Variants in PPM1H observed in about 807,000 individuals in gnomAD.
The protein encoded by PPM1H is protein phosphatase, Mg2+/Mn2+ dependent 1H.
In PPM1H, 27 loss-of-function variants were observed where a neutral mutation model predicts 54.9. That is an observed-to-expected ratio of 0.49 (90% CI 0.36 to 0.68). The LOEUF is 0.68. Ranked by LOEUF, PPM1H falls within the 30% of genes least tolerant of loss-of-function variation. PPM1H has a pLI of 0.00. For missense variants in PPM1H, 596 were observed against 667.8 expected, an observed-to-expected ratio of 0.89 and a Z score of 1.19; for synonymous variants, 305 against 270.8, an observed-to-expected ratio of 1.13 and a Z score of -1.24.
chr12:62,750,790 T>G (rs1233260215), intron 4 of PPM1H, among the ~76,000 whole-genome samples: 1 of 152,190 alleles, frequency 6.6e-6, no homozygotes, highest in Admixed American at 6.5e-5. Flanking sequence ...GATCTGAAAA[T>G]CTCAGTGATT....
At chr12:62,683,066 ATTAT>A (rs1323829886) in intron 8 of PPM1H, among the ~76,000 whole-genome samples, 3 of 142,112 alleles carry the variant, frequency 2.1e-5, no homozygotes, top group Non-Finnish European at 4.5e-5. Flanking sequence ...TATTATTATT[ATTAT>A]TATTATTATT....
chr12:62,756,049 G>T, intron 4 of PPM1H: 1 of 1,303,934 alleles, frequency 7.7e-7, no homozygotes. Context: ...GGCATCCTGG[G>T]CTACACTGAG....
At chr12:62,690,251 C>G (rs913510659) in intron 7 of PPM1H, among the ~76,000 whole-genome samples, 2 of 152,186 alleles carry the variant, frequency 1.3e-5, no homozygotes, top group Non-Finnish European at 2.9e-5. Flanking sequence ...ATCCACTGTA[C>G]AAGTATTTGC....
intron 4 of PPM1H, among the ~76,000 whole-genome samples, chr12:62,776,363 A>G (rs756587298): frequency 3.3e-5 from 5 of 152,122 alleles, no homozygotes; most frequent in East Asian, 3.9e-4. Context: ...CCCTTGCCCT[A>G]TGTTTCTCTT....
Position 62,691,172 on chromosome 12 carries a change from G to A in PPM1H, c.1138-1366C>T, listed in dbSNP as rs2076080893. ...GGCACTTAGCACAGAAAGGTGGATT[G>A]CATCAAGACAGGCGACACAGAGGGA... On this transcript the variant is annotated intron_variant, in intron 7 of 9. Transcript: ENST00000228705. Among the ~76,000 whole-genome samples, 3 of 152,174 alleles carry A rather than the reference G, an allele frequency of 2.0e-5. No individual in the cohort carries two copies. In the South Asian group the frequency reaches 6.2e-4, roughly 32 times the overall value.
At chr12:62,712,707 A>G (rs986955448) in intron 6 of PPM1H, among the ~76,000 whole-genome samples, 1 of 152,242 alleles carries the variant, frequency 6.6e-6, no homozygotes, top group African/African-American at 2.4e-5. Flanking sequence ...AGGTAGGCTA[A>G]TAACGCTGAG....
intron 8 of PPM1H, among the ~76,000 whole-genome samples, chr12:62,683,827 T>G (rs1275143075): frequency 6.6e-6 from 1 of 152,132 alleles, no homozygotes; most frequent in East Asian, 1.9e-4. Context: ...AGGGTGAAAT[T>G]AAGAAGAATC....
rs372976366 is a variant in PPM1H at position 62,903,068 on chromosome 12, C to T, written c.245+31424G>A. Among the ~76,000 whole-genome samples, 22 of 152,214 alleles carry T rather than the reference C, an allele frequency of 1.4e-4. No homozygotes were observed. In the East Asian group the frequency reaches 3.3e-3, roughly 23 times the overall value. ...ATTATATTGCCCAATATGGACAACT[C>T]ACTATGTGAGTTGTCACCCCCTCCT... On this transcript the variant is annotated intron_variant, in intron 1 of 9. Coordinates refer to ENST00000228705, the MANE Select transcript of PPM1H (RefSeq NM_020700.2).
At chr12:62,820,000 C>T (rs898065985) in intron 2 of PPM1H, among the ~76,000 whole-genome samples, 1 of 152,210 alleles carries the variant, frequency 6.6e-6, no homozygotes, top group Non-Finnish European at 1.5e-5. Context: ...CGCAAGGGGT[C>T]GGGGAATTCC....
At chr12:62,883,073 C>T (rs1002146180) in intron 1 of PPM1H, among the ~76,000 whole-genome samples, 4 of 152,192 alleles carry the variant, frequency 2.6e-5, no homozygotes, top group African/African-American at 9.7e-5. Context: ...ATGTATACTT[C>T]TTGAGGTCAG....
intron 7 of PPM1H, among the ~76,000 whole-genome samples, chr12:62,690,617 C>G (rs913477756): frequency 3.9e-5 from 6 of 152,202 alleles, no homozygotes; most frequent in Admixed American, 2.0e-4. Flanking sequence ...TTATTGGGTG[C>G]CTACTATGTA....
At chr12:62,764,679 A>G (rs1289940671) in intron 4 of PPM1H, among the ~76,000 whole-genome samples, 1 of 151,886 alleles carries the variant, frequency 6.6e-6, no homozygotes, top group African/African-American at 2.4e-5. Context: ...CTGGGCTCAG[A>G]TGGGGAAGCA....
chr12:62,780,252 C>T (rs947816453), intron 4 of PPM1H, among the ~76,000 whole-genome samples: 4 of 152,174 alleles, frequency 2.6e-5, no homozygotes, highest in Non-Finnish European at 5.9e-5. Flanking sequence ...TACTTAAATA[C>T]ATTTAAAAAA....
chr12:62,755,657 AAGATCATC>A lies in PPM1H; in HGVS notation c.870-18079_870-18072del, dbSNP rs1470335789. The A allele has an allele frequency of 6.1e-6, 4 of 658,250 alleles. No homozygotes were observed. The African/African-American group carries it at 7.2e-5, about 12-fold the overall frequency. The allele number at this position is 658,250 out of a possible 1,614,324, so 40.8% of individuals were successfully genotyped here. ...CATGAGAAGTAATGACAACAGCCTC[AAGATCATC>A]AGCATGCCTCCTGTATCACCAACTG... On this transcript the variant is annotated intron_variant, in intron 4 of 9. Coordinates refer to ENST00000228705, the MANE Select transcript of PPM1H (RefSeq NM_020700.2).
At chr12:62,839,874 C>CAA (rs746381032) in intron 1 of PPM1H, among the ~76,000 whole-genome samples, 2,441 of 84,192 alleles carry the variant, frequency 0.029, 111 homozygotes, top group African/African-American at 0.11. Flanking sequence ...CCTGTTTCTA[C>CAA]AAAAAAAAAA....
At chr12:62,792,877 A>G (rs1023373546) in intron 3 of PPM1H, among the ~76,000 whole-genome samples, 1 of 152,214 alleles carries the variant, frequency 6.6e-6, no homozygotes, top group Non-Finnish European at 1.5e-5. Flanking sequence ...TGATATATTA[A>G]GTCAATAAAG....
chr12:62,674,221 G>T (rs550880250), intron 8 of PPM1H, among the ~76,000 whole-genome samples: 1 of 152,156 alleles, frequency 6.6e-6, no homozygotes, highest in Non-Finnish European at 1.5e-5. Context: ...AGAAGGAAAG[G>T]ATTAAGAGTG....
chr12:62,678,434 A>G (rs528295219), intron 8 of PPM1H, among the ~76,000 whole-genome samples: 123 of 152,378 alleles, frequency 8.1e-4, no homozygotes, highest in African/African-American at 2.9e-3. Flanking sequence ...TTGTGTGACC[A>G]TGAATTATTG....
At chr12:62,809,559 C>A (rs1173551158) in intron 2 of PPM1H, among the ~76,000 whole-genome samples, 1 of 152,166 alleles carries the variant, frequency 6.6e-6, no homozygotes, top group Non-Finnish European at 1.5e-5. Context: ...AATAAGGTGG[C>A]CTGGGCAATG....
Sources: allele counts gnomAD v4.1 joint callset (sites outside exome capture counted in the v4.1 genomes callset), GRCh38; gene constraint gnomAD v4.1.1; transcripts MANE v1.5; gene names NCBI Gene and HGNC (gene_info 2026-07-23, HGNC 2026-07-21).